The following RBM46 variants were observed in gnomAD, a reference collection of about 807,000 sequenced individuals.
RBM46 encodes the protein RNA binding motif protein 46, also known as probable RNA-binding protein 46.
In RBM46, 12 loss-of-function variants were observed where a neutral mutation model predicts 43.3. The observed-to-expected ratio is 0.28, with a 90% CI of 0.18 to 0.45. The LOEUF (loss-of-function observed/expected upper bound fraction) is 0.45, where lower values mean the gene tolerates loss of function less well. Among genes scored for constraint, RBM46 ranks in the 20% least tolerant of loss-of-function variants. The pLI is 1.00. For synonymous variants in RBM46, 205 were observed against 207.6 expected (o/e 0.99, Z 0.11); for missense variants, 412 against 639.1 (o/e 0.64, Z 3.83).
At position 154,828,443 on chromosome 4, in the gene RBM46, T is replaced by C. The variant is rs1450514369; in HGVS notation, c.*376T>C. The C allele has an allele frequency of 1.4e-5, 3 of 210,700 alleles. No individual in the cohort carries two copies. The highest frequency in any genetic ancestry group is 5.5e-5 in the Admixed American group (1 of 18,244). The allele number at this position is 210,700 out of a possible 1,614,324, so 13.1% of individuals were successfully genotyped here. On this transcript the variant is annotated 3_prime_UTR_variant, in exon 5 of 5. Coordinates refer to ENST00000281722, the MANE Select transcript of RBM46 (RefSeq NM_144979.5). ...TTAAAGCACTTGAAGACAATGGTTA[T>C]AGTAGATTTGATTACCAAGGATCAC...
At chr4:154,821,879 C>T (rs892739405) in intron 4 of RBM46, among the ~76,000 whole-genome samples, 1 of 151,726 alleles carries the variant, frequency 6.6e-6, no homozygotes, top group African/African-American at 2.4e-5. Flanking sequence ...TTGGGAAAAT[C>T]ATAGTGCATA....
At chr4:154,807,386 A>G (rs1470966227) in intron 4 of RBM46, among the ~76,000 whole-genome samples, 2 of 151,532 alleles carry the variant, frequency 1.3e-5, no homozygotes, top group Non-Finnish European at 3.0e-5. Context: ...TGCTCTACTT[A>G]GTCTTCTTCA....
chr4:154,795,309 A>T (rs906297451), intron 1 of RBM46, among the ~76,000 whole-genome samples: 6 of 152,178 alleles, frequency 3.9e-5, no homozygotes, highest in African/African-American at 1.4e-4. Context: ...CAGATTTTTT[A>T]GCCAGTCTTG....
rs184454240 is a variant in RBM46, at chr4:154,822,107, A to G, written c.1403-5761A>G. ...TATGTTTCTGACTTTATTGAGGTAT[A>G]AATAAAATACAACAAAATGCCCATA... On this transcript the variant is annotated intron_variant, in intron 4 of 4. Transcript: ENST00000281722. Among the ~76,000 whole-genome samples, 399 of 151,922 alleles carry G rather than the reference A, an allele frequency of 2.6e-3. 11 individuals carry two copies. Among genetic ancestry groups the G allele is most frequent in the Admixed American group, 0.022 (332 of 15,244 alleles).
chr4:154,801,847 C>A (rs1734654639), intron 4 of RBM46, among the ~76,000 whole-genome samples: 1 of 152,074 alleles, frequency 6.6e-6, no homozygotes. Flanking sequence ...AAGAAAACAC[C>A]TAATCAGGTA....
chr4:154,823,187 A>T (rs370731129), intron 4 of RBM46, among the ~76,000 whole-genome samples: 1 of 151,900 alleles, frequency 6.6e-6, no homozygotes, highest in Non-Finnish European at 1.5e-5. Flanking sequence ...ACATAAATTT[A>T]TACAAAAAGT....
At chr4:154,821,762 T>C (rs1735732148) in intron 4 of RBM46, among the ~76,000 whole-genome samples, 1 of 151,826 alleles carries the variant, frequency 6.6e-6, no homozygotes. Flanking sequence ...TGTTTTCCCA[T>C]TATGTATTAA....
intron 1 of RBM46, among the ~76,000 whole-genome samples, chr4:154,791,074 T>G (rs1047237236): frequency 2.9e-4 from 44 of 152,192 alleles, no homozygotes; most frequent in African/African-American, 1.0e-3. Flanking sequence ...AACTATGTCA[T>G]ATAAGAAACA....
intron 4 of RBM46, among the ~76,000 whole-genome samples, chr4:154,802,220 A>G (rs929547291): frequency 6.6e-6 from 1 of 152,224 alleles, no homozygotes; most frequent in Non-Finnish European, 1.5e-5. Context: ...AGTTAGAGGC[A>G]GGAAAATATA....
At chr4:154,794,245 A>T (rs1433505649) in intron 1 of RBM46, among the ~76,000 whole-genome samples, 1 of 130,254 alleles carries the variant, frequency 7.7e-6, no homozygotes, top group South Asian at 2.3e-4. Context: ...CAGTGGTGCT[A>T]TCTCTGCTCA....
chr4:154,782,029 C>T lies in RBM46; in HGVS notation c.-12+593C>T, dbSNP rs545670727. 2.6e-5 allele frequency: 4 copies of T among 152,574 alleles called. No homozygotes were observed. The South Asian group carries it at 8.3e-4, about 32-fold the overall frequency. 9.5% of individuals were successfully genotyped at this position (152,574 alleles called of 1,614,324 possible). ...CGTGGAGTTCTAGCCGGGACTGAGC[C>T]TCGAACTTTACTTTGCCTTTGTCTC... On this transcript the variant is annotated intron_variant, in intron 1 of 4. Coordinates refer to ENST00000281722, the MANE Select transcript of RBM46 (RefSeq NM_144979.5).
chr4:154,824,136 A>C (rs1735844601), intron 4 of RBM46, among the ~76,000 whole-genome samples: 1 of 151,818 alleles, frequency 6.6e-6, no homozygotes, highest in Admixed American at 6.6e-5. Context: ...TTCAAGTGAA[A>C]GTTTAGCGTA....
rs188892363 is a variant in RBM46, at chr4:154,827,591, A to G, written c.1403-277A>G. ...GAAATGAGACGTTCTCTTTTTCTAT[A>G]ATCAAAACTCCAAGAAATAGTAGAT... On this transcript the variant is annotated intron_variant, in intron 4 of 4. Coordinates refer to ENST00000281722, the MANE Select transcript of RBM46 (RefSeq NM_144979.5). The G allele has an allele frequency of 5.7e-3, 6,646 of 1,162,280 alleles. 16 individuals are homozygous for G. The highest frequency in any genetic ancestry group is 6.8e-3 in the Admixed American group (152 of 22,342). The allele number at this position is 1,162,280 out of a possible 1,614,324, so 72.0% of individuals were successfully genotyped here.
Position 154,828,271 on chromosome 4 carries a change from G to T in RBM46, c.*204G>T. The T allele has an allele frequency of 1.8e-6, 1 of 552,610 alleles. No homozygotes were observed. The highest frequency in any genetic ancestry group is 3.2e-6 in the Non-Finnish European group (1 of 313,056). The allele number at this position is 552,610 out of a possible 1,614,324, so 34.2% of individuals were successfully genotyped here. ...AATGCAAAGTTTAAAAAGTTATTCA[G>T]TGGTTTCTCTTGATAAAGGTACAGC... is the stretch of plus-strand genomic sequence containing the variant. On this transcript the variant is annotated 3_prime_UTR_variant, in exon 5 of 5. Coordinates refer to ENST00000281722, the MANE Select transcript of RBM46 (RefSeq NM_144979.5).
At chr4:154,806,095 G>A (rs1467712971) in intron 4 of RBM46, among the ~76,000 whole-genome samples, 2 of 151,710 alleles carry the variant, frequency 1.3e-5, no homozygotes, top group Non-Finnish European at 3.0e-5. Context: ...TTGACCCTCT[G>A]AGAGGGCTTA....
intron 1 of RBM46, among the ~76,000 whole-genome samples, chr4:154,786,935 A>G (rs959589011): frequency 1.3e-5 from 2 of 152,228 alleles, no homozygotes; most frequent in Non-Finnish European, 2.9e-5. Flanking sequence ...TTGGAAAACA[A>G]AAACAATAAC....
At chr4:154,784,323 G>A (rs1358473558) in intron 1 of RBM46, among the ~76,000 whole-genome samples, 4 of 152,010 alleles carry the variant, frequency 2.6e-5, no homozygotes, top group Non-Finnish European at 5.9e-5. Context: ...TTAATGTTTT[G>A]CTTAAATTGT....
chr4:154,818,786 CTG>C, intron 4 of RBM46, among the ~76,000 whole-genome samples: 1 of 152,070 alleles, frequency 6.6e-6, no homozygotes, highest in Non-Finnish European at 1.5e-5. Flanking sequence ...GTATGTCAGT[CTG>C]TATATTTTCT....
intron 4 of RBM46, among the ~76,000 whole-genome samples, chr4:154,822,330 G>A (rs898291783): frequency 2.1e-4 from 32 of 151,492 alleles, no homozygotes; most frequent in African/African-American, 7.0e-4. Context: ...CCTTGCTTTC[G>A]AAGGTTTAAA....
Sources: allele counts gnomAD v4.1 joint callset (sites outside exome capture counted in the v4.1 genomes callset), GRCh38; gene constraint gnomAD v4.1.1; transcripts MANE v1.5; gene names NCBI Gene and HGNC (gene_info 2026-07-23, HGNC 2026-07-21).